Variants in LRP1B observed in about 807,000 individuals in gnomAD.
LRP1B encodes the protein low-density lipoprotein receptor-related protein 1B.
LRP1B carries 217 observed loss-of-function variants against 556.6 expected under a neutral mutation model. The observed-to-expected ratio is 0.39, with a 90% CI of 0.35 to 0.44. LRP1B has a LOEUF of 0.44. Among genes scored for constraint, LRP1B ranks in the 20% least tolerant of loss-of-function variants. LRP1B has a pLI of 1.00. For synonymous variants in LRP1B, 2,047 were observed against 1,865.8 expected (o/e 1.10, Z -2.50); for missense variants, 5,053 against 5,620.8 (o/e 0.90, Z 3.23).
chr2:140,233,413 G>A (rs961892031), intron 90 of LRP1B, 87 bp from the exon 91 acceptor site: 77 of 846,274 alleles, frequency 9.1e-5, no homozygotes, highest in South Asian at 4.2e-4. Context: ...TCTCCTAATC[G>A]TAACAATATT....
intron 7 of LRP1B, among the ~76,000 whole-genome samples, chr2:141,107,169 C>G (rs1700626254): frequency 6.6e-6 from 1 of 151,946 alleles, no homozygotes; most frequent in Non-Finnish European, 1.5e-5. Context: ...GTAAAGGGTT[C>G]TATTCAGACT....
intron 3 of LRP1B, among the ~76,000 whole-genome samples, chr2:141,463,580 A>AATAATGTATTATATATTATTATAT (rs1682015869): frequency 1.8e-5 from 1 of 56,442 alleles, no homozygotes; most frequent in Non-Finnish European, 3.4e-5. Flanking sequence ...TATTATATAT[A>AATAATGTATTATATATTATTATAT]ATTATATATA....
intron 85 of LRP1B, among the ~76,000 whole-genome samples, chr2:140,273,818 G>A (rs1309404663): frequency 1.3e-5 from 2 of 151,962 alleles, no homozygotes; most frequent in African/African-American, 4.8e-5. Flanking sequence ...TAGCCGCAAT[G>A]TTCTGTTTTC....
intron 3 of LRP1B, among the ~76,000 whole-genome samples, chr2:141,290,899 C>T (rs1004919051): frequency 6.6e-6 from 1 of 152,020 alleles, no homozygotes; most frequent in Admixed American, 6.6e-5. Flanking sequence ...CACAAAATGC[C>T]ATGTTTCAAG....
At chr2:140,345,823 TATAC>T (rs1397925576) in intron 77 of LRP1B, among the ~76,000 whole-genome samples, 11 of 141,468 alleles carry the variant, frequency 7.8e-5, no homozygotes, top group African/African-American at 2.9e-4. Flanking sequence ...TATATACATA[TATAC>T]ATATATATAT....
At chr2:141,346,350 G>A (rs1417312762) in intron 3 of LRP1B, among the ~76,000 whole-genome samples, 1 of 152,062 alleles carries the variant, frequency 6.6e-6, no homozygotes, top group Admixed American at 6.5e-5. Flanking sequence ...TCTTTACAAG[G>A]GGGTGATCTG....
At chr2:140,675,532 A>T (rs1359303976) in intron 41 of LRP1B, among the ~76,000 whole-genome samples, 1 of 152,216 alleles carries the variant, frequency 6.6e-6, no homozygotes, top group Non-Finnish European at 1.5e-5. Flanking sequence ...GCTGAAAGTT[A>T]CCAAATAGTC....
intron 32 of LRP1B, among the ~76,000 whole-genome samples, chr2:140,792,333 GAAA>G (rs1383048078): frequency 6.6e-6 from 1 of 152,032 alleles, no homozygotes; most frequent in Non-Finnish European, 1.5e-5. Context: ...GAGGGTAGAG[GAAA>G]AGTTTTCCCT....
chr2:141,384,465 G>T (rs749990269), intron 3 of LRP1B, among the ~76,000 whole-genome samples: 3 of 152,058 alleles, frequency 2.0e-5, no homozygotes, highest in Non-Finnish European at 4.4e-5. Flanking sequence ...AATGTATTGA[G>T]ATATAATTTT....
chr2:141,041,475 T>C (rs1185169805), intron 11 of LRP1B, among the ~76,000 whole-genome samples: 1 of 152,066 alleles, frequency 6.6e-6, no homozygotes, highest in African/African-American at 2.4e-5. Context: ...CAGGGCCTTG[T>C]ATTATGCCAT....
At chr2:140,539,603 G>A (rs1461125121) in intron 45 of LRP1B, among the ~76,000 whole-genome samples, 1 of 152,030 alleles carries the variant, frequency 6.6e-6, no homozygotes, top group Non-Finnish European at 1.5e-5. Context: ...AATAAGCTTT[G>A]CCATTTTGAC....
At chr2:141,778,963 A>G (rs1311456039) in intron 2 of LRP1B, among the ~76,000 whole-genome samples, 12 of 152,324 alleles carry the variant, frequency 7.9e-5, no homozygotes, top group South Asian at 4.1e-4. Context: ...AAAAGATTTC[A>G]TAGCCATTAT....
chr2:140,466,672 G>A (rs1687561999), intron 60 of LRP1B, among the ~76,000 whole-genome samples: 1 of 151,880 alleles, frequency 6.6e-6, no homozygotes, highest in Admixed American at 6.6e-5. Flanking sequence ...CCAATATGCT[G>A]GATAAAATAT....
intron 3 of LRP1B, among the ~76,000 whole-genome samples, chr2:141,449,810 C>T (rs958605605): frequency 6.6e-6 from 1 of 152,112 alleles, no homozygotes; most frequent in Admixed American, 6.5e-5. Context: ...TTAATTTAAA[C>T]AAGTATTTCT....
intron 1 of LRP1B, among the ~76,000 whole-genome samples, chr2:141,837,963 A>G (rs531040452): frequency 3.3e-5 from 5 of 152,308 alleles, no homozygotes; most frequent in African/African-American, 1.2e-4. Context: ...AATACAGTCA[A>G]GGAAAACTAG....
At chr2:141,244,539 C>T (rs1350384591) in intron 5 of LRP1B, among the ~76,000 whole-genome samples, 1 of 152,122 alleles carries the variant, frequency 6.6e-6, no homozygotes, top group Non-Finnish European at 1.5e-5. Context: ...GAACCTGGCT[C>T]AATTTATAAT....
At chr2:141,852,321 T>C (rs1697893503) in intron 1 of LRP1B, among the ~76,000 whole-genome samples, 1 of 151,800 alleles carries the variant, frequency 6.6e-6, no homozygotes, top group African/African-American at 2.4e-5. Flanking sequence ...TCAAAATGAA[T>C]ATTATTCAAA....
intron 23 of LRP1B, among the ~76,000 whole-genome samples, chr2:140,892,072 C>T (rs933685897): frequency 2.0e-5 from 3 of 151,914 alleles, no homozygotes; most frequent in Admixed American, 6.6e-5. Context: ...GGATACAGTC[C>T]AGTGTCTTTT....
intron 3 of LRP1B, among the ~76,000 whole-genome samples, chr2:141,348,193 A>G (rs1181309075): frequency 6.6e-6 from 1 of 152,042 alleles, no homozygotes; most frequent in Non-Finnish European, 1.5e-5. Context: ...TGTGGGTAAA[A>G]GGGAAATTTA....
Sources: allele counts gnomAD v4.1 joint callset (sites outside exome capture counted in the v4.1 genomes callset), GRCh38; gene constraint gnomAD v4.1.1; transcripts MANE v1.5; gene names NCBI Gene and HGNC (gene_info 2026-07-23, HGNC 2026-07-21).